GCNT1: variants seen among roughly 807,000 people sequenced by gnomAD.
GCNT1 encodes the protein beta-1,3-galactosyl-O-glycosyl-glycoprotein beta-1,6-N-acetylglucosaminyltransferase.
GCNT1 carries 16 observed loss-of-function variants against 26.2 expected under a neutral mutation model. That is an observed-to-expected ratio of 0.61 (90% confidence interval 0.41 to 0.93). GCNT1 has a LOEUF of 0.93. Ranked by LOEUF, GCNT1 falls within the 40% of genes least tolerant of loss-of-function variation. The pLI is 0.00. For synonymous variants in GCNT1, 183 were observed against 190.8 expected, an observed-to-expected ratio of 0.96 and a Z score of 0.34; for missense variants, 477 against 526.7, an observed-to-expected ratio of 0.91 and a Z score of 0.92.
At chr9:76,479,949 T>C (rs1824374979) in intron 2 of GCNT1, among the ~76,000 whole-genome samples, 2 of 152,184 alleles carry the variant, frequency 1.3e-5, no homozygotes, top group South Asian at 4.1e-4. Context: ...TCCTGAATGG[T>C]ATTGCCTAGG....
chr9:76,449,193 C>T (rs896911348), intron 1 of GCNT1, among the ~76,000 whole-genome samples: 7 of 151,470 alleles, frequency 4.6e-5, no homozygotes, highest in South Asian at 2.1e-4. Context: ...ATTAGCGGGG[C>T]GGGGTAGTGT....
chr9:76,503,201 A>G lies in GCNT1; in HGVS notation c.820A>G (p.Met274Val). The stretch of plus-strand genomic sequence containing the variant: ...GCTGACAAACACAGGGACTGTCAAA[A>G]TGCTTCCTCCACTCGAAACACCTCT... The part of the protein sequence containing the change: ...GKLTNTGTVK[M>V]LPPLETPLFS... The change falls in exon 4 of 4, where the codon ATG (methionine) becomes GTG (valine). Residue 274 changes from methionine (M) to valine (V), a missense_variant. By Grantham distance (21) the Met-to-Val change is conservative. Coordinates refer to ENST00000376730, the MANE Select transcript of GCNT1 (RefSeq NM_001490.5). 6.2e-7 allele frequency: 1 copy of G among 1,614,086 alleles called. No homozygotes were observed. Among genetic ancestry groups the G allele is most frequent in the Non-Finnish European group, 8.5e-7 (1 of 1,179,986 alleles).
chr9:76,434,081 A>C (rs1370179000), intron 1 of GCNT1, among the ~76,000 whole-genome samples: 1 of 152,188 alleles, frequency 6.6e-6, no homozygotes, highest in Non-Finnish European at 1.5e-5. Context: ...CATCTCTCTC[A>C]AGGCTTATAG....
At chr9:76,458,867 A>G (rs1823808299), upstream of GCNT1, among the ~76,000 whole-genome samples, 1 of 152,244 alleles carries the variant, frequency 6.6e-6, no homozygotes, top group Non-Finnish European at 1.5e-5. Flanking sequence ...ACATATTTTC[A>G]TGTTTAAAAT....
intron 2 of GCNT1, among the ~76,000 whole-genome samples, chr9:76,478,181 C>T (rs1327451539): frequency 6.6e-6 from 1 of 152,198 alleles, no homozygotes; most frequent in Non-Finnish European, 1.5e-5. Flanking sequence ...CTCAGGTATC[C>T]TTCCATGTAG....
At chr9:76,427,251 T>G (rs1181541281) in intron 1 of GCNT1, among the ~76,000 whole-genome samples, 1 of 150,422 alleles carries the variant, frequency 6.6e-6, no homozygotes, top group Non-Finnish European at 1.5e-5. Context: ...GGCTGGAGTG[T>G]AGTGGCACAG....
chr9:76,480,497 G>A (rs1564239392), intron 2 of GCNT1, among the ~76,000 whole-genome samples: 1 of 152,118 alleles, frequency 6.6e-6, no homozygotes, highest in African/African-American at 2.4e-5. Flanking sequence ...CAAATTTACA[G>A]TTTTCCGCTT....
At chr9:76,408,919 C>A in the GCNT1 span, among the ~76,000 whole-genome samples, 44 of 152,174 alleles carry the variant, frequency 2.9e-4, no homozygotes, top group African/African-American at 9.4e-4. Flanking sequence ...AAACTCCTGA[C>A]CTGAAGTGAT....
At chr9:76,467,639 GAGTCC>G in intron 2 of GCNT1, among the ~76,000 whole-genome samples, 1 of 152,110 alleles carries the variant, frequency 6.6e-6, no homozygotes. Flanking sequence ...GAGTGGCCCT[GAGTCC>G]AGTTAAAGCC....
At chr9:76,436,774 G>C (rs72747326), upstream of GCNT1, among the ~76,000 whole-genome samples, 18,952 of 152,168 alleles carry the variant, frequency 0.12, 1,235 homozygotes, top group East Asian at 0.2. Flanking sequence ...TAAAGGCAAT[G>C]GATAGTTGAA....
At chr9:76,470,603 CAAAA>C (rs10564028) in intron 2 of GCNT1, among the ~76,000 whole-genome samples, 8 of 94,202 alleles carry the variant, frequency 8.5e-5, no homozygotes, top group Admixed American at 1.2e-4. Context: ...GACCCTGTCC[CAAAA>C]AAAAAAAAAA....
In GCNT1 at chr9:76,503,799, T is replaced by C. The variant is rs960171935; in HGVS notation, c.*131T>C. Reference sequence around the variant, plus strand: ...GGGCAGGGACTCTAGTAGATCTTCTTGTCAGAGAAGCTGCATGGTTTCTGC... The same window carrying C: ...GGGCAGGGACTCTAGTAGATCTTCTCGTCAGAGAAGCTGCATGGTTTCTGC... On this transcript the variant is annotated 3_prime_UTR_variant, in exon 4 of 4. Transcript: ENST00000376730. The C allele has an allele frequency of 5.6e-6, 4 of 708,224 alleles. No homozygotes were observed. Among genetic ancestry groups the C allele is most frequent in the East Asian group, 5.2e-5 (2 of 38,518 alleles). The allele number at this position is 708,224 out of a possible 1,614,324, so 43.9% of individuals were successfully genotyped here. A position where few individuals can be genotyped will look rare whatever the true frequency, so the allele number is the denominator to read the frequency against.
chr9:76,478,441 A>T (rs1430832487), intron 2 of GCNT1, among the ~76,000 whole-genome samples: 4 of 152,174 alleles, frequency 2.6e-5, no homozygotes, highest in Admixed American at 2.6e-4. Flanking sequence ...GAAACTCAGG[A>T]CACATCTGAA....
chr9:76,434,797 A>C (rs1435988353), intron 1 of GCNT1, among the ~76,000 whole-genome samples: 1 of 152,170 alleles, frequency 6.6e-6, no homozygotes, highest in African/African-American at 2.4e-5. Context: ...CAAGGAATAT[A>C]ATATTAAGAC....
intron 2 of GCNT1, 127 bp downstream of exon 2, chr9:76,460,304 A>G (rs1034012879): frequency 2.0e-5 from 3 of 152,268 alleles, no homozygotes; most frequent in African/African-American, 7.2e-5. Flanking sequence ...CAAGAGGCCA[A>G]TTGGGAAGAT....
chr9:76,480,692 G>A lies in GCNT1; in HGVS notation c.-289-20224G>A, dbSNP rs544239075. Among the ~76,000 whole-genome samples the A allele has an allele frequency of 2.7e-4, 41 of 152,236 alleles. 1 individual carries two copies. The highest frequency in any genetic ancestry group is 9.9e-4 in the African/African-American group (41 of 41,520). ...GCTAATAAATACTATTTTCATTAAT[G>A]AGTGAAATGCAAGGGTTATTTAAAT... On this transcript the variant is annotated intron_variant, in intron 2 of 3. Coordinates refer to ENST00000376730, the MANE Select transcript of GCNT1 (RefSeq NM_001490.5).
At chr9:76,427,720 T>G (rs1434943406) in intron 1 of GCNT1, among the ~76,000 whole-genome samples, 1 of 152,142 alleles carries the variant, frequency 6.6e-6, no homozygotes, top group African/African-American at 2.4e-5. Context: ...AAATGTTAGC[T>G]CTTGGCATGT....
At chr9:76,494,075 C>T (rs1431957190) in intron 2 of GCNT1, among the ~76,000 whole-genome samples, 1 of 151,980 alleles carries the variant, frequency 6.6e-6, no homozygotes. Context: ...TGTTCCCCGC[C>T]CCCCACCAAG....
At chr9:76,489,514 T>C (rs1327682317) in intron 2 of GCNT1, among the ~76,000 whole-genome samples, 2 of 152,134 alleles carry the variant, frequency 1.3e-5, no homozygotes, top group Non-Finnish European at 2.9e-5. Flanking sequence ...TTTTTATTCC[T>C]TTATTTGGAC....
Sources: gnomAD v4.1 joint callset for allele counts (sites outside exome capture counted in the v4.1 genomes callset) on GRCh38, gnomAD v4.1.1 for gene constraint, MANE v1.5 for transcripts, NCBI Gene and HGNC (gene_info 2026-07-23, HGNC 2026-07-21) for gene names.